ABCA13: variants seen among roughly 807,000 people sequenced by gnomAD.
ABCA13 encodes the protein ATP binding cassette subfamily A member 13, also known as ATP-binding cassette sub-family A member 13.
In ABCA13, 476 loss-of-function variants were observed where a neutral mutation model predicts 478.7. That is an observed-to-expected ratio of 0.99 (90% CI 0.92 to 1.07). ABCA13 has a LOEUF of 1.07. Among genes scored for constraint, ABCA13 ranks in the 50% least tolerant of loss-of-function variants. The pLI, the probability that ABCA13 is intolerant of heterozygous loss-of-function variation, is 0.00. For missense variants in ABCA13, 6,060 were observed against 5,910.6 expected (o/e 1.03, Z -0.83); for synonymous variants, 2,252 against 2,158.9 (o/e 1.04, Z -1.20).
rs114419410 is a variant in ABCA13, at chr7:48,636,483, T to C, written c.14838-6805T>C. The stretch of plus-strand genomic sequence containing the variant: ...GAGATTTAGGAAAATGTGCCTGATT[T>C]CATGCCAGGGAGTCCAGGACCCTTG... On this transcript the variant is annotated intron_variant, in intron 59 of 61. Transcript: ENST00000435803. Among the ~76,000 whole-genome samples the C allele has an allele frequency of 8.6e-3, 1,316 of 152,280 alleles. 20 individuals carry two copies. Among genetic ancestry groups the C allele is most frequent in the African/African-American group, 0.029 (1,226 of 41,562 alleles).
Position 48,338,411 on chromosome 7 carries a change from T to C in ABCA13, c.10160T>C (p.Leu3387Ser). The C allele has an allele frequency of 6.2e-7, 1 of 1,603,328 alleles. No individual in the cohort carries two copies. Among genetic ancestry groups the C allele is most frequent in the Non-Finnish European group, 8.5e-7 (1 of 1,174,422 alleles). Residue 3387 changes from leucine (L) to serine (S), a missense_variant, in exon 29 of 62, where the codon TTG (leucine) becomes TCG (serine). This residue lies in a region of ABCA13 where 4,423 missense variants were observed against 4,309.1 expected (regional missense o/e 1.03). Transcript: ENST00000435803. ...KFVRNFVENQLHIDVDKLTEK... is the reference protein window; with the variant it reads ...KFVRNFVENQSHIDVDKLTEK... The stretch of plus-strand genomic sequence containing the variant: ...GTAAGAAACTTTGTAGAAAACCAGT[T>C]GCACATTGATGTAGACAAACTTACT...
intron 1 of ABCA13, among the ~76,000 whole-genome samples, chr7:48,191,208 C>T (rs955602876): frequency 1.7e-4 from 26 of 152,194 alleles, no homozygotes; most frequent in African/African-American, 5.8e-4. Context: ...AAGTAGTTAT[C>T]TCCTGAGCGT....
chr7:48,239,019 A>T (rs192560265), intron 8 of ABCA13, among the ~76,000 whole-genome samples: 23 of 152,340 alleles, frequency 1.5e-4, no homozygotes, highest in Middle Eastern at 3.4e-3. Flanking sequence ...GCCTGGAGAA[A>T]CAGCTGTTCC....
chr7:48,544,813 C>T (rs1287263631), intron 55 of ABCA13, among the ~76,000 whole-genome samples: 1 of 151,852 alleles, frequency 6.6e-6, no homozygotes, highest in Admixed American at 6.6e-5. Flanking sequence ...GGTAAAACAA[C>T]CTGAGGCTTG....
intron 8 of ABCA13, among the ~76,000 whole-genome samples, chr7:48,235,309 G>C (rs1235401602): frequency 6.6e-6 from 1 of 152,092 alleles, no homozygotes; most frequent in Admixed American, 6.5e-5. Flanking sequence ...AACCCCAGTT[G>C]GCTGACTTTT....
chr7:48,630,837 A>G (rs1473520082), intron 59 of ABCA13, among the ~76,000 whole-genome samples: 2 of 149,570 alleles, frequency 1.3e-5, no homozygotes, highest in Non-Finnish European at 3.0e-5. Context: ...TTTCTTTTTA[A>G]TAATAGCCAT....
chr7:48,241,653 G>A (rs139003232), intron 10 of ABCA13, among the ~76,000 whole-genome samples: 1 of 152,248 alleles, frequency 6.6e-6, no homozygotes, highest in East Asian at 1.9e-4. Context: ...CTGAAGTTAA[G>A]GCTGTCTTTG....
At chr7:48,192,807 ATAAATGAACTAGGCCTTG>A (rs1427083748) in intron 1 of ABCA13, among the ~76,000 whole-genome samples, 134 bp from the exon 2 acceptor site, 3 of 152,196 alleles carry the variant, frequency 2.0e-5, no homozygotes, top group African/African-American at 7.2e-5. Flanking sequence ...GGACGCAATG[ATAAATGAACTAGGCCTTG>A]TCTGTGGGCT....
At chr7:48,173,938 G>A (rs921225019) in intron 1 of ABCA13, among the ~76,000 whole-genome samples, 12 of 152,194 alleles carry the variant, frequency 7.9e-5, no homozygotes, top group Non-Finnish European at 1.8e-4. Flanking sequence ...GAGGAGAGGA[G>A]GCACAGGGTA....
At chr7:48,462,515 G>T (rs1388299502) in intron 43 of ABCA13, among the ~76,000 whole-genome samples, 3 of 149,966 alleles carry the variant, frequency 2.0e-5, no homozygotes, top group East Asian at 2.0e-4. Flanking sequence ...TAATTTTTTT[G>T]GGGGGTGGGG....
chr7:48,385,486 C>G (rs1171171217), intron 35 of ABCA13, among the ~76,000 whole-genome samples: 1 of 152,296 alleles, frequency 6.6e-6, no homozygotes, highest in South Asian at 2.1e-4. Context: ...AGGACATGAT[C>G]TCATTCCTTT....
At chr7:48,624,454 A>G (rs1793468663) in intron 59 of ABCA13, among the ~76,000 whole-genome samples, 1 of 152,188 alleles carries the variant, frequency 6.6e-6, no homozygotes, top group Non-Finnish European at 1.5e-5. Flanking sequence ...TCTGAAGCAC[A>G]GAGTTTACAA....
rs1483446520 is a variant in ABCA13, at chr7:48,278,687, T to C, written c.7493T>C (p.Met2498Thr). 5 of 1,613,650 alleles carry C rather than the reference T, an allele frequency of 3.1e-6. No homozygotes were observed. The African/African-American group carries it at 6.7e-5, about 22-fold the overall frequency. The change falls in exon 18 of 62, where the codon ATG becomes ACG. Residue 2498 changes from methionine to threonine, a missense_variant. Transcript: ENST00000435803. ...CACGTCCTGAAACCCCTCTTAGAAA[T>C]GTCTGGGACTCTGGTCATGCTGTTG... ...ESHVLKPLLEMSGTLVMLLND... is the reference protein window; with the variant it reads ...ESHVLKPLLETSGTLVMLLND...
At chr7:48,318,856 T>C (rs929253150) in intron 27 of ABCA13, among the ~76,000 whole-genome samples, 1 of 152,200 alleles carries the variant, frequency 6.6e-6, no homozygotes, top group East Asian at 1.9e-4. Context: ...GATGATATGC[T>C]ATATTATTAT....
At chr7:48,588,319 T>C (rs746417884) in intron 57 of ABCA13, among the ~76,000 whole-genome samples, 1 of 152,256 alleles carries the variant, frequency 6.6e-6, no homozygotes, top group African/African-American at 2.4e-5. Flanking sequence ...ATTTTCAACA[T>C]GAGGCAGGAT....
chr7:48,303,207 T>G (rs1013705758), intron 23 of ABCA13, among the ~76,000 whole-genome samples: 1 of 152,202 alleles, frequency 6.6e-6, no homozygotes, highest in Non-Finnish European at 1.5e-5. Context: ...CTTGTAAATT[T>G]TTTTTAAGTT....
At position 48,451,623 on chromosome 7, in the gene ABCA13, A is replaced by G. The variant is rs142721617; in HGVS notation, c.12566-3414A>G. ...GTATATTCCTGAACGTTGTGTGCCC[A>G]TTTTCTTTTGGAGTTTTCATCTTAA... On this transcript the variant is annotated intron_variant, in intron 42 of 61. Coordinates refer to ENST00000435803, the MANE Select transcript of ABCA13 (RefSeq NM_152701.5). Among the ~76,000 whole-genome samples the G allele has an allele frequency of 2.2e-3, 339 of 152,156 alleles. 4 individuals are homozygous for G. The highest frequency in any genetic ancestry group is 7.8e-3 in the African/African-American group (322 of 41,510).
chr7:48,563,146 A>G (rs1786645837), intron 55 of ABCA13, among the ~76,000 whole-genome samples: 3 of 152,158 alleles, frequency 2.0e-5, no homozygotes, highest in Non-Finnish European at 4.4e-5. Flanking sequence ...AGGTGTGTCA[A>G]AGTCACTGAA....
chr7:48,236,218 A>G (rs1438802912), intron 8 of ABCA13, among the ~76,000 whole-genome samples: 1 of 152,210 alleles, frequency 6.6e-6, no homozygotes, highest in Non-Finnish European at 1.5e-5. Flanking sequence ...GAGGAAATAT[A>G]TGGTGAATGA....
Sources: allele counts gnomAD v4.1 joint callset (sites outside exome capture counted in the v4.1 genomes callset), GRCh38; gene constraint gnomAD v4.1.1; regional missense constraint gnomAD v4.1.1; transcripts MANE v1.5; gene names NCBI Gene and HGNC (gene_info 2026-07-23, HGNC 2026-07-21).